Variants in IGSF1 observed in about 807,000 individuals in gnomAD.
IGSF1 encodes the protein immunoglobulin superfamily member 1.
IGSF1 carries 40 observed loss-of-function variants against 95.3 expected under a neutral mutation model. The ratio of observed to expected loss-of-function variants is 0.42; its 90% CI spans 0.33 to 0.55. IGSF1 has a LOEUF of 0.55. IGSF1 is among the 20% of genes least tolerant of loss of function. IGSF1 has a pLI of 0.10. For missense variants in IGSF1, 906 were observed against 1,025.4 expected (o/e 0.88, Z 1.59); for synonymous variants, 372 against 382.9 (o/e 0.97, Z 0.33).
intron 9 of IGSF1, among the ~76,000 whole-genome samples, chrX:131,280,420 G>C (rs990516534): frequency 9.0e-6 from 1 of 111,541 alleles, no homozygotes; most frequent in African/African-American, 3.3e-5. Context: ...TTGCAGGGCG[G>C]GGGGTACAGC....
chrX:131,278,249 C>T, intron 12 of IGSF1, 115 bp from the exon 13 acceptor site: 1 of 814,678 alleles, frequency 1.2e-6, no homozygotes, highest in Non-Finnish European at 1.8e-6. Context: ...GCCCTAGGCT[C>T]TTCCAGTCAG....
chrX:131,278,800 CCCT>C, intron 11 of IGSF1, 49 bp from the exon 12 acceptor site: 1 of 1,116,316 alleles, frequency 9.0e-7, no homozygotes, highest in Admixed American at 2.2e-5. Context: ...CCCTTCCCCT[CCCT>C]CCTCCTTGCC....
In IGSF1 at chrX:131,273,770, G is replaced by C; in HGVS notation, c.*26C>G. The C allele has an allele frequency of 8.4e-7, 1 of 1,192,523 alleles. No individual in the cohort carries two copies. Among genetic ancestry groups the C allele is most frequent in the East Asian group, 3.0e-5 (1 of 33,682 alleles). ...TCTCTGAGAGCAAGAGAGAGGAGAG[G>C]AAAGCTCTTGTAAAGGAGGAGATTA... On this transcript the variant is annotated 3_prime_UTR_variant, in exon 20 of 20. Coordinates refer to ENST00000361420, the MANE Select transcript of IGSF1 (RefSeq NM_001555.5).
chrX:131,278,131 A>T lies in IGSF1; in HGVS notation c.2045T>A (p.Ile682Asn). ...AGCAGAAATGACAGGTTTGGGGAGG[A>T]TGTCTGGAAAACAGAATGGGGTGAA... ...SEALELVGTD[I>N]LPKPVISASP... Residue 682 changes from isoleucine to asparagine, a missense_variant, in exon 13 of 20, where the codon ATC (isoleucine) becomes AAC (asparagine). By Grantham distance (149) the Ile-to-Asn change is moderately radical (BLOSUM62 -3). Coordinates refer to ENST00000361420, the MANE Select transcript of IGSF1 (RefSeq NM_001555.5). 8.3e-7 allele frequency: 1 copy of T among 1,204,661 alleles called. No individual in the cohort carries two copies. The highest frequency in any genetic ancestry group is 1.1e-6 in the Non-Finnish European group (1 of 890,624).
chrX:131,283,560 T>G (rs943668017), intron 5 of IGSF1, among the ~76,000 whole-genome samples: 4 of 112,010 alleles, frequency 3.6e-5, no homozygotes, highest in African/African-American at 1.3e-4. Context: ...AAATGCCAAA[T>G]GTAGTTCTTT....
intron 13 of IGSF1, 115 bp from the exon 14 acceptor site, chrX:131,277,341 T>G: frequency 4.2e-6 from 3 of 720,711 alleles, no homozygotes; most frequent in South Asian, 2.9e-5. Flanking sequence ...GAGGCTTCTT[T>G]GCTTTTAAGT....
chrX:131,286,314 C>G, intron 3 of IGSF1, 123 bp downstream of exon 3: 1 of 635,027 alleles, frequency 1.6e-6, no homozygotes, highest in Non-Finnish European at 2.5e-6. Context: ...ACCAAGTCCT[C>G]TGATTCCCAA....
Position 131,281,847 on chromosome X carries a change from C to A in IGSF1, c.1344G>T (p.Leu448=). The stretch of plus-strand genomic sequence containing the variant: ...TTTCTTCCCATTCCAGAGAAAATTC[C>A]AGTACTGGATGAGATACTCGGCACT... ...TLQCRVSHPV[L]EFSLEWEERE... Residue 448 remains leucine, a synonymous_variant, in exon 8 of 20, where the codon CTG becomes CTT. Transcript: ENST00000361420. 1 of 1,209,457 alleles carries A rather than the reference C, an allele frequency of 8.3e-7. No individual in the cohort carries two copies. The highest frequency in any genetic ancestry group is 2.3e-4 in the Middle Eastern group (1 of 4,348).
intron 11 of IGSF1, 60 bp from the exon 12 acceptor site, chrX:131,278,811 G>T: frequency 9.4e-7 from 1 of 1,064,259 alleles, no homozygotes; most frequent in Non-Finnish European, 1.3e-6. Context: ...CCTCCTCCTT[G>T]CCCTTGAACC....
intron 13 of IGSF1, chrX:131,277,608 A>T: frequency 2.6e-6 from 1 of 392,046 alleles, no homozygotes; most frequent in Non-Finnish European, 4.4e-6. Flanking sequence ...GAGATAATTG[A>T]TGTGAAAATA....
chrX:131,275,949 G>T lies in IGSF1; in HGVS notation c.2896+12C>A. 8.3e-7 allele frequency: 1 copy of T among 1,204,977 alleles called. No individual in the cohort carries two copies. The highest frequency in any genetic ancestry group is 3.0e-5 in the East Asian group (1 of 33,814). On this transcript the variant is annotated intron_variant, in intron 15 of 19. Transcript: ENST00000361420. ...GATCTCCATCCCAGTCCCATGTCCG[G>T]TCGGTCCTTACCAGTCACCCAGATC...
chrX:131,288,977 T>C (rs2080681149), intron 1 of IGSF1: 2 of 247,691 alleles, frequency 8.1e-6, no homozygotes, highest in South Asian at 4.1e-5. Flanking sequence ...GAGGGAAGAC[T>C]GAGAAGGAAA....
chrX:131,277,374 A>G lies in IGSF1; in HGVS notation c.2321-148T>C, dbSNP rs1024935604. 29 of 559,807 alleles carry G rather than the reference A, an allele frequency of 5.2e-5. No individual in the cohort carries two copies. The South Asian group carries it at 9.2e-4, about 18-fold the overall frequency. 46.1% of individuals were successfully genotyped at this position (559,807 alleles called of 1,213,427 possible). On this transcript the variant is annotated intron_variant, in intron 13 of 19. Transcript: ENST00000361420. ...AGTAAGTGCATTTAAAAAGTAAGGT[A>G]AATCCACTTTGCAGATGGACTTCTC...
upstream of IGSF1, chrX:131,289,349 C>T (rs1051034851): frequency 5.5e-6 from 2 of 364,449 alleles, no homozygotes; most frequent in East Asian, 7.7e-5. Context: ...CTCCCCCGCC[C>T]GCCTGCCGGC....
At position 131,285,212 on chromosome X, in the gene IGSF1, C is replaced by T. The variant is rs749000372; in HGVS notation, c.634G>A (p.Glu212Lys). ...ACCAGCTTCAGGGGGTTGCTGGGCT[C>T]TGACCACAGGGTGGGGAGCATCTGG... ...HIQMLPTLWS[E>K]PSNPLKLVVA... is the part of the protein sequence containing the mutation. The change falls in exon 5 of 20, where the codon GAG (glutamate) becomes AAG (lysine). Residue 212 changes from glutamate (E) to lysine (K), a missense_variant. Around this residue, in one of 5 missense-constraint regions of IGSF1, gnomAD observed 442 missense variants for 448.1 expected, o/e 0.99. Transcript: ENST00000361420. 22 of 1,202,900 alleles carry T rather than the reference C, an allele frequency of 1.8e-5. No individual in the cohort carries two copies. In the Admixed American group the frequency reaches 4.8e-4, roughly 26 times the overall value.
chrX:131,273,994 G>C, intron 19 of IGSF1, 63 bp from the exon 20 acceptor site: 1 of 1,199,105 alleles, frequency 8.3e-7, no homozygotes. Context: ...TTGCACGGTG[G>C]GGCTCAGATA....
At position 131,278,599 on chromosome X, in the gene IGSF1, G is replaced by T; in HGVS notation, c.1903C>A (p.Arg635Ser). ...LKDGTGWIAT[R>S]PASEQVRAAF... Reference sequence around the variant, plus strand: ...GCCCGGACCTGCTCTGAGGCCGGGCGAGTGGCGATCCACCCGGTCCCATCC... The same window carrying T: ...GCCCGGACCTGCTCTGAGGCCGGGCTAGTGGCGATCCACCCGGTCCCATCC... The change falls in exon 12 of 20, where the codon CGC (arginine) becomes AGC (serine). Residue 635 changes from arginine to serine, a missense_variant. Arg to Ser is a moderately radical substitution (Grantham distance 110, BLOSUM62 -1). Coordinates refer to ENST00000361420, the MANE Select transcript of IGSF1 (RefSeq NM_001555.5). 8.3e-7 allele frequency: 1 copy of T among 1,211,680 alleles called. No individual in the cohort carries two copies. Among genetic ancestry groups the T allele is most frequent in the Non-Finnish European group, 1.1e-6 (1 of 895,341 alleles).
At chrX:131,277,303 A>C in intron 13 of IGSF1, 77 bp from the exon 14 acceptor site, 3 of 938,737 alleles carry the variant, frequency 3.2e-6, no homozygotes, top group Non-Finnish European at 4.4e-6. Flanking sequence ...GAAAGAGAGA[A>C]AGCAAATATA....
intron 5 of IGSF1, 184 bp downstream of exon 5, chrX:131,284,995 C>CATCT (rs1428536028): frequency 1.2e-6 from 1 of 839,591 alleles, no homozygotes; most frequent in African/African-American, 2.1e-5. Flanking sequence ...GGCTCCCATA[C>CATCT]ATCTGCCTTG....
Sources: allele counts gnomAD v4.1 joint callset (sites outside exome capture counted in the v4.1 genomes callset), GRCh38; gene constraint gnomAD v4.1.1; regional missense constraint gnomAD v4.1.1; transcripts MANE v1.5; gene names NCBI Gene and HGNC (gene_info 2026-07-23, HGNC 2026-07-21).